Variants in ASPRV1 observed in about 807,000 individuals in gnomAD.
ASPRV1 encodes the protein retroviral-like aspartic protease 1.
Under a neutral mutation model 11.0 loss-of-function variants are expected in ASPRV1, and 7 were observed. That is an observed-to-expected ratio of 0.64 (90% CI 0.36 to 1.20). ASPRV1 has a LOEUF of 1.20. Among genes scored for constraint, ASPRV1 ranks in the 50% most tolerant of loss-of-function variants. The pLI is 0.02. For missense variants in ASPRV1, 299 were observed against 320.0 expected (o/e 0.93, Z 0.50); for synonymous variants, 136 against 138.4 (o/e 0.98, Z 0.12).
the ASPRV1 span, chr2:69,935,391 C>T: frequency 1.2e-6 from 2 of 1,614,110 alleles, no homozygotes; most frequent in South Asian, 1.1e-5. Flanking sequence ...GTTGAAGGGG[C>T]TGGTGCCACT....
chr2:70,000,381 G>A, the ASPRV1 span: 1 of 148,440 alleles, frequency 6.7e-6, no homozygotes, highest in Non-Finnish European at 1.5e-5. Context: ...CAGACAAGGA[G>A]TTAATAGCCT....
At chr2:69,989,339 G>A in the ASPRV1 span, among the ~76,000 whole-genome samples, 1 of 152,246 alleles carries the variant, frequency 6.6e-6, no homozygotes, top group African/African-American at 2.4e-5. Context: ...TATTTTCTTA[G>A]CTGTAAAATG....
the ASPRV1 span, chr2:70,071,514 G>A: frequency 6.6e-6 from 1 of 152,178 alleles, no homozygotes; most frequent in Admixed American, 6.5e-5. Context: ...GGCTGAGGTG[G>A]GAGGATCACC....
downstream of ASPRV1, among the ~76,000 whole-genome samples, chr2:69,958,432 G>A (rs1677988051): frequency 6.6e-6 from 1 of 152,148 alleles, no homozygotes; most frequent in Middle Eastern, 3.2e-3. Context: ...CTGCTGCTGG[G>A]ACACAGCATC....
chr2:69,994,021 T>A, the ASPRV1 span: 1 of 152,272 alleles, frequency 6.6e-6, no homozygotes, highest in Non-Finnish European at 1.5e-5. Flanking sequence ...AAGCTATTTC[T>A]GAGGGTCTTC....
At chr2:69,973,431 G>C in the ASPRV1 span, among the ~76,000 whole-genome samples, 1 of 152,176 alleles carries the variant, frequency 6.6e-6, no homozygotes, top group African/African-American at 2.4e-5. Context: ...GAGTGCAGTG[G>C]AATGTTCATA....
the ASPRV1 span, chr2:70,018,280 C>A: frequency 6.6e-6 from 1 of 151,930 alleles, no homozygotes; most frequent in Admixed American, 6.6e-5. Context: ...GAAGAGGACA[C>A]ACACAAAACA....
the ASPRV1 span, among the ~76,000 whole-genome samples, chr2:70,079,037 A>C: frequency 6.6e-6 from 1 of 152,204 alleles, no homozygotes; most frequent in African/African-American, 2.4e-5. Context: ...GAGACTCTCT[A>C]TATATTCAAT....
chr2:70,073,062 C>A, the ASPRV1 span: 1 of 152,044 alleles, frequency 6.6e-6, no homozygotes, highest in African/African-American at 2.4e-5. Context: ...CAGAGCAAGA[C>A]CCTATCTCAA....
the ASPRV1 span, among the ~76,000 whole-genome samples, chr2:70,037,530 A>G: frequency 6.6e-6 from 1 of 152,196 alleles, no homozygotes; most frequent in Non-Finnish European, 1.5e-5. Context: ...TGTTGGGATT[A>G]CAGGCATGAG....
chr2:69,933,594 G>A, the ASPRV1 span, among the ~76,000 whole-genome samples: 1 of 152,168 alleles, frequency 6.6e-6, no homozygotes, highest in Non-Finnish European at 1.5e-5. Context: ...GAGCACCCTT[G>A]GAGAGTTTAG....
the ASPRV1 span, among the ~76,000 whole-genome samples, chr2:70,082,646 G>A: frequency 0.13 from 19,081 of 152,208 alleles, 1,769 homozygotes; most frequent in South Asian, 0.24. Context: ...GGAGGCAGTG[G>A]TTGTGGTGAG....
chr2:70,071,336 G>T, the ASPRV1 span, among the ~76,000 whole-genome samples: 11 of 152,320 alleles, frequency 7.2e-5, 1 homozygote, highest in South Asian at 1.7e-3. Flanking sequence ...GCAAGTTTAG[G>T]TATTAGGATA....
chr2:69,982,265 G>C, the ASPRV1 span, among the ~76,000 whole-genome samples: 1 of 150,850 alleles, frequency 6.6e-6, no homozygotes, highest in East Asian at 2.0e-4. Context: ...ACCAGCCTGG[G>C]CAAGAGAGAG....
At chr2:70,000,188 T>G in the ASPRV1 span, among the ~76,000 whole-genome samples, 1 of 151,900 alleles carries the variant, frequency 6.6e-6, no homozygotes, top group Admixed American at 6.6e-5. Context: ...ATAAAATATT[T>G]GTAATATATG....
At chr2:69,993,894 C>T in the ASPRV1 span, 1 of 152,226 alleles carries the variant, frequency 6.6e-6, no homozygotes, top group East Asian at 1.9e-4. Flanking sequence ...GTTTGTTTTG[C>T]AGAGCGTTGG....
At chr2:70,077,589 C>G in the ASPRV1 span, among the ~76,000 whole-genome samples, 18 of 152,212 alleles carry the variant, frequency 1.2e-4, no homozygotes, top group African/African-American at 4.1e-4. Context: ...CACAGTGGCT[C>G]ACACCTGTAA....
the ASPRV1 span, among the ~76,000 whole-genome samples, chr2:70,042,116 T>C: frequency 6.6e-6 from 1 of 152,170 alleles, no homozygotes; most frequent in Non-Finnish European, 1.5e-5. Flanking sequence ...AATGGATCTC[T>C]AGTTAAATAC....
the ASPRV1 span, among the ~76,000 whole-genome samples, chr2:70,058,737 G>A: frequency 6.7e-6 from 1 of 148,856 alleles, no homozygotes; most frequent in East Asian, 2.0e-4. Context: ...ATTTTTAGTA[G>A]AGACAGGGTT....
Sources: gnomAD v4.1 joint callset for allele counts (sites outside exome capture counted in the v4.1 genomes callset) on GRCh38, gnomAD v4.1.1 for gene constraint, MANE v1.5 for transcripts, NCBI Gene and HGNC (gene_info 2026-07-23, HGNC 2026-07-21) for gene names.